Variants in RGS3 observed in about 807,000 individuals in gnomAD.
RGS3 encodes regulator of G-protein signalling 3.
In RGS3, 80 loss-of-function variants were observed where a neutral mutation model predicts 132.6. The observed-to-expected ratio is 0.60, with a 90% CI of 0.50 to 0.73. The LOEUF is 0.73. Among genes scored for constraint, RGS3 ranks in the 30% least tolerant of loss-of-function variants. The probability of loss-of-function intolerance (pLI) is 0.00; values close to 1 mark genes in which losing one functional copy is unlikely to be tolerated. For synonymous variants in RGS3, 598 were observed against 620.6 expected, an observed-to-expected ratio of 0.96 and a Z score of 0.54; for missense variants, 1,382 against 1,530.8, an observed-to-expected ratio of 0.90 and a Z score of 1.62.
At chr9:113,558,468 A>G (rs1226646989) in intron 19 of RGS3, among the ~76,000 whole-genome samples, 2 of 151,954 alleles carry the variant, frequency 1.3e-5, no homozygotes, top group African/African-American at 4.8e-5. Context: ...GTGCCATTGC[A>G]CTCCAGCCTG....
rs199658575 is a variant in RGS3 at position 113,514,689 on chromosome 9, G to A, written c.1674+35G>A. The stretch of plus-strand genomic sequence containing the variant: ...TGGCTGGTCTTAAAGGTTCCCTCAG[G>A]AGGAACGGAGAAAGAGGAGGGCCCT... On this transcript the variant is annotated intron_variant, in intron 15 of 24. Transcript: ENST00000350696. The A allele has an allele frequency of 2.5e-6, 4 of 1,601,404 alleles. No homozygotes were observed. The South Asian group carries it at 4.4e-5, about 18-fold the overall frequency.
chr9:113,555,675 C>T (rs1833538622), intron 19 of RGS3, among the ~76,000 whole-genome samples: 1 of 152,168 alleles, frequency 6.6e-6, no homozygotes, highest in Non-Finnish European at 1.5e-5. Context: ...CCCTGTTGGT[C>T]AGGGTGGTCT....
chr9:113,583,865 C>T (rs765795003), exon 20 of RGS3: 1 of 1,613,962 alleles, frequency 6.2e-7, no homozygotes, highest in Non-Finnish European at 8.5e-7. Context: ...CAAGATCTGC[C>T]TCCTAGCCAG....
intron 15 of RGS3, chr9:113,517,201 G>A (rs1831716001): frequency 1.2e-5 from 6 of 499,224 alleles, no homozygotes; most frequent in Non-Finnish European, 2.0e-5. Context: ...GCGGGGGCTG[G>A]GAGGGCCCAG....
Position 113,497,416 on chromosome 9 carries a change from C to A in RGS3, c.841+12C>A, listed in dbSNP as rs375283491. 1.4e-4 allele frequency: 233 copies of A among 1,608,724 alleles called. No homozygotes were observed. Among genetic ancestry groups the A allele is most frequent in the Admixed American group, 5.5e-4 (33 of 59,922 alleles). ...GCGGCCGCTGAGAGGTACCTGCACA[C>A]CCCCTTCAGCTTCCCTTCCCAGGAC... On this transcript the variant is annotated intron_variant, in intron 9 of 24. Transcript: ENST00000350696.
intron 19 of RGS3, among the ~76,000 whole-genome samples, chr9:113,549,228 G>A (rs573146694): frequency 1.4e-4 from 22 of 152,298 alleles, no homozygotes; most frequent in Admixed American, 3.3e-4. Flanking sequence ...GATTACTGAT[G>A]GGTCACAGAG....
At chr9:113,451,702 TG>T (rs1312021430) in intron 1 of RGS3, among the ~76,000 whole-genome samples, 1 of 151,696 alleles carries the variant, frequency 6.6e-6, no homozygotes, top group Non-Finnish European at 1.5e-5. Flanking sequence ...TTTAAGTCAA[TG>T]GTTCCTATCC....
intron 3 of RGS3, among the ~76,000 whole-genome samples, chr9:113,467,924 C>A (rs1260647528): frequency 6.6e-6 from 1 of 152,102 alleles, no homozygotes. Flanking sequence ...ATGAGGTTTC[C>A]CTATGTTGCC....
At chr9:113,540,687 G>A (rs536910906) in intron 19 of RGS3, among the ~76,000 whole-genome samples, 43 of 152,356 alleles carry the variant, frequency 2.8e-4, no homozygotes, top group African/African-American at 9.9e-4. Flanking sequence ...GGCAGGTCCT[G>A]TGCTCCACGG....
chr9:113,590,405 C>T (rs1471785105), intron 20 of RGS3, among the ~76,000 whole-genome samples: 1 of 118,652 alleles, frequency 8.4e-6, no homozygotes, highest in Non-Finnish European at 1.7e-5. Flanking sequence ...ACCATCCACC[C>T]ACCCACCCAC....
intron 20 of RGS3, among the ~76,000 whole-genome samples, chr9:113,588,382 C>T (rs1282860530): frequency 2.0e-5 from 3 of 152,338 alleles, no homozygotes; most frequent in Non-Finnish European, 2.9e-5. Flanking sequence ...TGGGCTGGAT[C>T]GGAGAGGGCA....
chr9:113,595,479 G>A (rs1358897144), intron 23 of RGS3, 120 bp from the exon 22 acceptor site: 20 of 1,107,942 alleles, frequency 1.8e-5, no homozygotes, highest in Middle Eastern at 3.1e-4. Context: ...TGTCGGGGAC[G>A]GGCATTGTAC....
chr9:113,579,663 C>G lies in RGS3; in HGVS notation c.2038-3787C>G, dbSNP rs540133806. ...CTCACTGGGTCCCCAGCTGCCTGTA[C>G]TTCCTCTATCAGAGCAGTCCCCATG... On this transcript the variant is annotated intron_variant, in intron 19 of 24. Transcript: ENST00000350696. The surrounding 1 kb of genome is among the most constrained non-coding windows in gnomAD (Gnocchi z 4.3). 6.6e-6 allele frequency among the ~76,000 whole-genome samples: 1 copy of G among 152,210 alleles called. No individual in the cohort carries two copies. Among genetic ancestry groups the G allele is most frequent in the Non-Finnish European group, 1.5e-5 (1 of 68,032 alleles).
intron 14 of RGS3, among the ~76,000 whole-genome samples, chr9:113,509,126 A>G (rs1474836846): frequency 6.6e-6 from 1 of 152,042 alleles, no homozygotes; most frequent in Admixed American, 6.6e-5. Context: ...TCTACTAAAA[A>G]TACAAAATCA....
At chr9:113,576,754 T>C (rs1183706822) in intron 19 of RGS3, among the ~76,000 whole-genome samples, 1 of 152,180 alleles carries the variant, frequency 6.6e-6, no homozygotes, top group East Asian at 1.9e-4. Flanking sequence ...CTGAGAGGTA[T>C]TGGGGAGCCA....
At chr9:113,471,003 G>T (rs929201142) in intron 3 of RGS3, among the ~76,000 whole-genome samples, 6 of 152,110 alleles carry the variant, frequency 3.9e-5, no homozygotes, top group African/African-American at 1.4e-4. Context: ...TAGGCAGAGA[G>T]TTGTTGTTAT....
rs1210063724 is a variant in RGS3 at position 113,446,053 on chromosome 9, T to TA, written c.-13+1132dup. ...GTTTCATCCATGACACAGTGACACTTAAAAAATCAGTTTATTCAAATGCAC... is the reference window on the plus strand; with the variant it reads ...GTTTCATCCATGACACAGTGACACTTAAAAAAATCAGTTTATTCAAATGCAC... On this transcript the variant is annotated intron_variant, in intron 1 of 25. Coordinates refer to the RGS3 transcript ENST00000374140. Among the ~76,000 whole-genome samples, 3 of 152,146 alleles carry TA rather than the reference T, an allele frequency of 2.0e-5. No homozygotes were observed. The East Asian group carries it at 5.8e-4, about 29-fold the overall frequency.
At chr9:113,597,088 G>A (rs568541469) in exon 25 of RGS3, 5 of 735,714 alleles carry the variant, frequency 6.8e-6, no homozygotes, top group Admixed American at 3.2e-5. Flanking sequence ...ATAGACATAC[G>A]GAAGCGAGGC....
intron 1 of RGS3, among the ~76,000 whole-genome samples, chr9:113,450,873 G>A (rs1829225378): frequency 6.6e-6 from 1 of 151,952 alleles, no homozygotes; most frequent in Admixed American, 6.6e-5. Context: ...CAGCAGTGTG[G>A]TGAGGGCAAA....
Sources: gnomAD v4.1 joint callset for allele counts (sites outside exome capture counted in the v4.1 genomes callset) on GRCh38, gnomAD v4.1.1 for gene constraint, Gnocchi (gnomAD v3.1) non-coding constraint, MANE v1.5 for transcripts, NCBI Gene and HGNC (gene_info 2026-07-23, HGNC 2026-07-21) for gene names.